The following FER1L6 variants were observed in gnomAD, a reference collection of about 807,000 sequenced individuals.
FER1L6 encodes the protein fer-1-like protein 6.
FER1L6 carries 177 observed loss-of-function variants against 219.2 expected under a neutral mutation model. That is an observed-to-expected ratio of 0.81 (90% CI 0.71 to 0.91). The LOEUF (loss-of-function observed/expected upper bound fraction) is 0.91, where lower values mean the gene tolerates loss of function less well. Ranked by LOEUF, FER1L6 falls within the 40% of genes least tolerant of loss-of-function variation. The pLI is 0.00. For synonymous variants in FER1L6, 768 were observed against 824.3 expected, an observed-to-expected ratio of 0.93 and a Z score of 1.17; for missense variants, 2,153 against 2,259.9, an observed-to-expected ratio of 0.95 and a Z score of 0.96.
rs984535751 is a variant in FER1L6 at position 123,876,978 on chromosome 8, TC to T, written c.-8+24796del. Among the ~76,000 whole-genome samples, 63 of 152,314 alleles carry T rather than the reference TC, an allele frequency of 4.1e-4. 1 individual carries two copies. The highest frequency in any genetic ancestry group is 3.4e-3 in the Middle Eastern group (1 of 294). The stretch of plus-strand genomic sequence containing the variant: ...TAGGCCCCTAGGCTGGCTTGGCCAT[TC>T]CCTCCTCTGTGCTTCTCTGCATCCT... On this transcript the variant is annotated intron_variant, in intron 1 of 40. Transcript: ENST00000522917.
chr8:123,877,298 A>T (rs145540724), intron 1 of FER1L6, among the ~76,000 whole-genome samples: 1 of 152,090 alleles, frequency 6.6e-6, no homozygotes, highest in South Asian at 2.1e-4. Context: ...GTTTTATCCA[A>T]CCCTCCTCTG....
intron 20 of FER1L6, among the ~76,000 whole-genome samples, chr8:124,042,485 C>T (rs4392878): frequency 0.85 from 129,529 of 152,276 alleles, 55,335 homozygotes; most frequent in African/African-American, 0.89. Context: ...GGCTCGGAAG[C>T]GATATAGCTA....
chr8:124,090,251 TGTTTA>T (rs1020724685), intron 33 of FER1L6, among the ~76,000 whole-genome samples: 1 of 152,212 alleles, frequency 6.6e-6, no homozygotes, highest in African/African-American at 2.4e-5. Context: ...CTAGAGAGCC[TGTTTA>T]GTTTTCAGTC....
chr8:123,943,516 G>A (rs562252482), intron 1 of FER1L6, among the ~76,000 whole-genome samples: 1 of 152,156 alleles, frequency 6.6e-6, no homozygotes, highest in African/African-American at 2.4e-5. Context: ...ATTCCTGGGA[G>A]GTAGCCTGCT....
At position 124,035,389 on chromosome 8, in the gene FER1L6, A is replaced by G. The variant is rs201779132; in HGVS notation, c.2399A>G (p.Tyr800Cys). The G allele has an allele frequency of 3.7e-6, 6 of 1,614,026 alleles. No homozygotes were observed. Among genetic ancestry groups the G allele is most frequent in the Middle Eastern group, 1.7e-4 (1 of 6,010 alleles). Residue 800 changes from tyrosine (Y) to cysteine (C), a missense_variant, in exon 19 of 41, where the codon TAT (tyrosine) becomes TGT (cysteine). Tyr to Cys is a radical substitution (Grantham distance 194). Transcript: ENST00000522917. The stretch of plus-strand genomic sequence containing the variant: ...ATTTTGGACAACTTGCCAGTAGGCT[A>G]TGAAGCAGAAATGTCCTCCAAAGGG... ...SAILDNLPVG[Y>C]EAEMSSKGAG...
intron 22 of FER1L6, chr8:124,058,761 G>GTGA (rs752546945): frequency 7.9e-5 from 12 of 152,172 alleles, no homozygotes; most frequent in Non-Finnish European, 1.5e-4. Context: ...TCCCAGTGAG[G>GTGA]TGATGCTCGC....
intron 3 of FER1L6, 58 bp from the exon 4 acceptor site, chr8:123,965,949 C>A: frequency 2.1e-6 from 3 of 1,397,306 alleles, no homozygotes; most frequent in Non-Finnish European, 2.0e-6. Context: ...AGAATATTAT[C>A]ATGACTTATG....
chr8:124,003,104 G>A (rs1817490022), intron 12 of FER1L6, 63 bp from the exon 13 acceptor site: 2 of 1,436,236 alleles, frequency 1.4e-6, no homozygotes, highest in Non-Finnish European at 1.9e-6. Flanking sequence ...GATCCTTTAT[G>A]CCAAGCAGAC....
intron 1 of FER1L6, among the ~76,000 whole-genome samples, chr8:123,888,138 A>G (rs1313921567): frequency 6.6e-6 from 1 of 150,988 alleles, no homozygotes; most frequent in Non-Finnish European, 1.5e-5. Context: ...TTTTTTTGAG[A>G]CAGAGTCTCA....
chr8:123,874,511 T>C (rs568693267), intron 1 of FER1L6, among the ~76,000 whole-genome samples: 5 of 152,226 alleles, frequency 3.3e-5, no homozygotes, highest in Non-Finnish European at 5.9e-5. Flanking sequence ...CTATTTTACA[T>C]AGAAAATAGT....
chr8:123,948,857 C>G (rs1039470735), intron 1 of FER1L6, among the ~76,000 whole-genome samples: 5 of 151,710 alleles, frequency 3.3e-5, no homozygotes, highest in African/African-American at 9.7e-5. Context: ...GATACTGACT[C>G]AAGGACTTTT....
At chr8:124,012,707 T>C (rs1045377466) in intron 14 of FER1L6, among the ~76,000 whole-genome samples, 1 of 152,220 alleles carries the variant, frequency 6.6e-6, no homozygotes, top group African/African-American at 2.4e-5. Context: ...TCCTTAACTA[T>C]GCCACAATGT....
At chr8:124,095,139 A>C in intron 35 of FER1L6, 101 bp downstream of exon 35, 1 of 1,458,906 alleles carries the variant, frequency 6.9e-7, no homozygotes, top group Non-Finnish European at 9.3e-7. Flanking sequence ...AGGTACATTT[A>C]GCAATGTCTG....
intron 2 of FER1L6, 30 bp downstream of exon 2, chr8:123,956,104 G>A: frequency 6.3e-7 from 1 of 1,588,966 alleles, no homozygotes; most frequent in Non-Finnish European, 8.6e-7. Context: ...GCTGACCATT[G>A]GGGCCTGAGA....
At position 124,119,616 on chromosome 8, in the gene FER1L6, C is replaced by A; in HGVS notation, c.5400C>A (p.Asp1800Glu). The A allele has an allele frequency of 6.2e-7, 1 of 1,611,758 alleles. No individual in the cohort carries two copies. Among genetic ancestry groups the A allele is most frequent in the Non-Finnish European group, 8.5e-7 (1 of 1,178,066 alleles). ...PEPLAKPNRP[D>E]TSFSWFMSPF... The stretch of plus-strand genomic sequence containing the variant: ...CTTCCTTCCCCCTCAGCCGCCCAGA[C>A]ACCTCCTTTTCGTGGTTCATGAGCC... Residue 1800 changes from aspartate to glutamate, a missense_variant, in exon 41 of 41, where the codon GAC becomes GAA. By Grantham distance (45) the Asp-to-Glu change is conservative. Transcript: ENST00000522917.
chr8:123,962,125 A>G (rs1246542683), intron 2 of FER1L6, among the ~76,000 whole-genome samples: 2 of 151,952 alleles, frequency 1.3e-5, no homozygotes, highest in African/African-American at 4.8e-5. Context: ...TCTTGACCTC[A>G]TGATCTGCCT....
chr8:123,985,755 G>A (rs537069847), intron 11 of FER1L6: 12 of 219,704 alleles, frequency 5.5e-5, no homozygotes, highest in Non-Finnish European at 7.1e-5. Context: ...TTCCAAACCC[G>A]TGTTTCACCA....
intron 22 of FER1L6, among the ~76,000 whole-genome samples, chr8:124,055,613 T>C (rs1279867431): frequency 6.6e-6 from 1 of 152,148 alleles, no homozygotes; most frequent in Non-Finnish European, 1.5e-5. Flanking sequence ...CTCTCTCTCC[T>C]ATTACAGTTT....
intron 20 of FER1L6, among the ~76,000 whole-genome samples, chr8:124,042,876 G>A (rs1452631866): frequency 6.6e-6 from 1 of 152,168 alleles, no homozygotes; most frequent in Non-Finnish European, 1.5e-5. Flanking sequence ...CTGGGGATAT[G>A]GGACATAGAA....
Sources: gnomAD v4.1 joint callset for allele counts (sites outside exome capture counted in the v4.1 genomes callset) on GRCh38, gnomAD v4.1.1 for gene constraint, MANE v1.5 for transcripts, NCBI Gene and HGNC (gene_info 2026-07-23, HGNC 2026-07-21) for gene names.